ULK4: variants seen among roughly 807,000 people sequenced by gnomAD.
The protein encoded by ULK4 is unc-51 like kinase 4, also known as inactive serine/threonine-protein kinase ULK4.
A neutral mutation model predicts 160.6 loss-of-function variants in ULK4; 133 were observed. That is an observed-to-expected ratio of 0.83 (90% confidence interval 0.72 to 0.96). The LOEUF (loss-of-function observed/expected upper bound fraction) is 0.96, where lower values mean the gene tolerates loss of function less well. Ranked by LOEUF, ULK4 falls within the 40% of genes least tolerant of loss-of-function variation. The pLI, the probability that ULK4 is intolerant of heterozygous loss-of-function variation, is 0.00. For missense variants in ULK4, 1,580 were observed against 1,499.5 expected (o/e 1.05, Z -0.89); for synonymous variants, 534 against 539.8 (o/e 0.99, Z 0.15).
At chr3:41,856,239 C>T (rs1053150106) in intron 17 of ULK4, among the ~76,000 whole-genome samples, 2 of 151,800 alleles carry the variant, frequency 1.3e-5, no homozygotes, top group African/African-American at 4.8e-5. Context: ...TTTGCCTCTC[C>T]TACTGTCCAA....
Position 41,574,128 on chromosome 3 carries a change from G to A in ULK4, c.3121-7998C>T, listed in dbSNP as rs1048858908. Among the ~76,000 whole-genome samples the A allele has an allele frequency of 3.9e-5, 6 of 152,246 alleles. No individual in the cohort carries two copies. The East Asian group carries it at 1.2e-3, about 29-fold the overall frequency. On this transcript the variant is annotated intron_variant, in intron 31 of 36. Coordinates refer to ENST00000301831, the MANE Select transcript of ULK4 (RefSeq NM_017886.4). ...CAAAAGGCAGAGGTTGCCGTGAGCC[G>A]AGATTGAGCCATTGCACTGCAGCCT...
At chr3:41,534,547 A>G (rs1431202017) in intron 32 of ULK4, among the ~76,000 whole-genome samples, 3 of 151,030 alleles carry the variant, frequency 2.0e-5, no homozygotes, top group Non-Finnish European at 4.4e-5. Flanking sequence ...TACATAATGC[A>G]TTTACATGCT....
At chr3:41,597,054 AG>A (rs1038617609) in intron 31 of ULK4, among the ~76,000 whole-genome samples, 2 of 152,118 alleles carry the variant, frequency 1.3e-5, no homozygotes, top group Non-Finnish European at 2.9e-5. Context: ...GTCAGGACAG[AG>A]AACAGGCCAC....
chr3:41,831,124 C>T (rs529265292), intron 18 of ULK4, among the ~76,000 whole-genome samples: 3 of 152,024 alleles, frequency 2.0e-5, no homozygotes, highest in African/African-American at 7.2e-5. Context: ...ACCTCGTAGG[C>T]TTGAGCAATC....
intron 35 of ULK4, among the ~76,000 whole-genome samples, chr3:41,382,969 T>C (rs1261194027): frequency 2.0e-5 from 3 of 152,164 alleles, no homozygotes; most frequent in Non-Finnish European, 4.4e-5. Context: ...TAAAGAAAAA[T>C]TGTAGTTAAA....
At chr3:41,336,810 A>G (rs2080568199) in intron 35 of ULK4, among the ~76,000 whole-genome samples, 1 of 152,060 alleles carries the variant, frequency 6.6e-6, no homozygotes, top group Non-Finnish European at 1.5e-5. Context: ...GTGTATCTGG[A>G]GCATATGGGA....
intron 31 of ULK4, among the ~76,000 whole-genome samples, chr3:41,577,983 C>T (rs1415275871): frequency 6.6e-6 from 1 of 152,224 alleles, no homozygotes; most frequent in African/African-American, 2.4e-5. Flanking sequence ...CCTTCTTTGG[C>T]AGGTCAGCTC....
At position 41,857,881 on chromosome 3, in the gene ULK4, T is replaced by C. The variant is rs541236295; in HGVS notation, c.1657-21910A>G. ...CTTAGTCTGGCTAAAGTTTGTCATT[T>C]TGTTTTAACTCTTTGGAAAAACTAC... On this transcript the variant is annotated intron_variant, in intron 17 of 36. Coordinates refer to ENST00000301831, the MANE Select transcript of ULK4 (RefSeq NM_017886.4). Among the ~76,000 whole-genome samples, 12 of 152,298 alleles carry C rather than the reference T, an allele frequency of 7.9e-5. No homozygotes were observed. In the South Asian group the frequency reaches 2.5e-3, roughly 32 times the overall value.
intron 31 of ULK4, among the ~76,000 whole-genome samples, chr3:41,584,116 A>C (rs542465975): frequency 2.6e-5 from 4 of 152,302 alleles, no homozygotes; most frequent in African/African-American, 9.6e-5. Context: ...AAAACCTCTG[A>C]TTTATAAAGA....
chr3:41,787,003 A>C (rs1008453552), intron 21 of ULK4, among the ~76,000 whole-genome samples: 1 of 152,106 alleles, frequency 6.6e-6, no homozygotes, highest in Non-Finnish European at 1.5e-5. Flanking sequence ...ATACACAAGA[A>C]AAAACAGCTC....
At chr3:41,771,938 C>T (rs1322148568) in intron 21 of ULK4, among the ~76,000 whole-genome samples, 1 of 152,088 alleles carries the variant, frequency 6.6e-6, no homozygotes, top group African/African-American at 2.4e-5. Flanking sequence ...TAGAGAGACA[C>T]AACGGAAGCC....
intron 6 of ULK4, 55 bp from the exon 7 acceptor site, chr3:41,918,595 C>CTTTTTTTTTTTTTTTTTTTTTTTTTTTT (rs36064862): frequency 4.8e-6 from 1 of 206,734 alleles, no homozygotes; most frequent in African/African-American, 5.0e-5. Context: ...ACCAATAATT[C>CTTTTTTTTTTTTTTTTTTTTTTTTTTTT]TTTTTTTTTT....
chr3:41,905,777 G>C (rs1011015732), intron 12 of ULK4, among the ~76,000 whole-genome samples: 1 of 152,042 alleles, frequency 6.6e-6, no homozygotes. Flanking sequence ...CTAAGACATA[G>C]AAATTCACAC....
At chr3:41,837,995 T>C (rs1228339765) in intron 17 of ULK4, among the ~76,000 whole-genome samples, 9 of 152,212 alleles carry the variant, frequency 5.9e-5, no homozygotes, top group Non-Finnish European at 1.3e-4. Flanking sequence ...ACCATGTAGC[T>C]TCACATCAGT....
At chr3:41,330,810 T>C (rs552083574) in intron 35 of ULK4, among the ~76,000 whole-genome samples, 1 of 152,308 alleles carries the variant, frequency 6.6e-6, no homozygotes, top group African/African-American at 2.4e-5. Context: ...TACAATGTCA[T>C]GCTGTCATGC....
chr3:41,813,111 A>G (rs2040864923), intron 19 of ULK4, among the ~76,000 whole-genome samples: 1 of 152,330 alleles, frequency 6.6e-6, no homozygotes, highest in Middle Eastern at 3.4e-3. Flanking sequence ...CAATGAGAAC[A>G]CATGGACCCA....
intron 12 of ULK4, among the ~76,000 whole-genome samples, chr3:41,906,862 G>A (rs981940539): frequency 2.0e-5 from 3 of 152,018 alleles, no homozygotes; most frequent in South Asian, 2.1e-4. Context: ...ACATGGTGAC[G>A]CACGACTGTA....
chr3:41,464,259 T>G (rs527957217), intron 32 of ULK4, among the ~76,000 whole-genome samples: 6 of 152,226 alleles, frequency 3.9e-5, no homozygotes, highest in Admixed American at 1.3e-4. Context: ...AAATGCGAAA[T>G]TATCACAAAA....
intron 34 of ULK4, among the ~76,000 whole-genome samples, chr3:41,434,535 A>G (rs1403447508): frequency 6.6e-6 from 1 of 152,206 alleles, no homozygotes; most frequent in Non-Finnish European, 1.5e-5. Flanking sequence ...AACCCTTTCA[A>G]AGAGTTTGAA....
Sources: allele counts gnomAD v4.1 joint callset (sites outside exome capture counted in the v4.1 genomes callset), GRCh38; gene constraint gnomAD v4.1.1; transcripts MANE v1.5; gene names NCBI Gene and HGNC (gene_info 2026-07-23, HGNC 2026-07-21).